LDB2: variants seen among roughly 807,000 people sequenced by gnomAD.
The protein encoded by LDB2 is LIM domain-binding protein 2.
A neutral mutation model predicts 44.3 loss-of-function variants in LDB2; 12 were observed. The observed-to-expected ratio is 0.27, with a 90% CI of 0.17 to 0.44. The LOEUF is 0.44. LDB2 is among the 20% of genes least tolerant of loss of function. The pLI is 1.00. For synonymous variants in LDB2, 164 were observed against 174.8 expected (o/e 0.94, Z 0.49); for missense variants, 344 against 473.5 (o/e 0.73, Z 2.54).
rs186955401 is a variant in LDB2 at position 16,763,056 on chromosome 4, G to A, written c.133-3796C>T. Among the ~76,000 whole-genome samples, 96 of 146,360 alleles carry A rather than the reference G, an allele frequency of 6.6e-4. No individual in the cohort carries two copies. The Middle Eastern group carries it at 0.014, about 21-fold the overall frequency. ...TTCAGAAGAGGTCTGCTGGGAGAAT[G>A]GGCACATTAGGTAACACCACACACA... On this transcript the variant is annotated intron_variant, in intron 1 of 7. Transcript: ENST00000304523.
intron 1 of LDB2, among the ~76,000 whole-genome samples, chr4:16,795,206 C>T (rs1776506561): frequency 6.6e-6 from 1 of 152,144 alleles, no homozygotes; most frequent in Non-Finnish European, 1.5e-5. Flanking sequence ...AACACCTGGA[C>T]CTTGCTGTGA....
chr4:16,588,659 T>C, intron 4 of LDB2, 51 bp downstream of exon 4: 1 of 1,590,254 alleles, frequency 6.3e-7, no homozygotes, highest in South Asian at 1.1e-5. Flanking sequence ...TTGAGTGAAA[T>C]GAAGGAGGAA....
intron 2 of LDB2, among the ~76,000 whole-genome samples, chr4:16,619,811 T>TTC (rs3076982): frequency 3.3e-5 from 5 of 151,848 alleles, no homozygotes; most frequent in Non-Finnish European, 5.9e-5. Flanking sequence ...TTTTTTTTTT[T>TTC]CTCCTGGCTT....
chr4:16,715,594 C>G (rs1424835654), intron 2 of LDB2, among the ~76,000 whole-genome samples: 1 of 152,136 alleles, frequency 6.6e-6, no homozygotes. Flanking sequence ...ATCCATTTTT[C>G]CTCTGTTAAT....
chr4:16,629,652 C>A (rs1407183980), intron 2 of LDB2, among the ~76,000 whole-genome samples: 1 of 152,000 alleles, frequency 6.6e-6, no homozygotes, highest in African/African-American at 2.4e-5. Context: ...GCTGAAGGAG[C>A]ATGTTCTAAT....
intron 2 of LDB2, among the ~76,000 whole-genome samples, chr4:16,630,206 T>A (rs555664107): frequency 1.6e-4 from 25 of 152,232 alleles, no homozygotes; most frequent in African/African-American, 6.0e-4. Flanking sequence ...GAGTTACCCA[T>A]AAAGAGAAGC....
intron 5 of LDB2, among the ~76,000 whole-genome samples, chr4:16,578,551 A>G (rs560335852): frequency 3.9e-5 from 6 of 152,338 alleles, no homozygotes; most frequent in Non-Finnish European, 8.8e-5. Flanking sequence ...AAGACAGTCA[A>G]TAACAAATGC....
intron 2 of LDB2, among the ~76,000 whole-genome samples, chr4:16,692,113 C>T (rs555513514): frequency 5.0e-4 from 75 of 149,988 alleles, no homozygotes; most frequent in South Asian, 1.7e-3. Flanking sequence ...TGATTCATCA[C>T]GAGGCAAAAA....
At chr4:16,871,547 T>TGTTG (rs1163095460) in intron 1 of LDB2, among the ~76,000 whole-genome samples, 1 of 152,176 alleles carries the variant, frequency 6.6e-6, no homozygotes, top group Non-Finnish European at 1.5e-5. Flanking sequence ...TATTCATCTC[T>TGTTG]GTTGTTTCAT....
At chr4:16,851,395 G>A (rs1788209790) in intron 1 of LDB2, among the ~76,000 whole-genome samples, 1 of 152,092 alleles carries the variant, frequency 6.6e-6, no homozygotes, top group Non-Finnish European at 1.5e-5. Flanking sequence ...GAGTTTCTTA[G>A]TAGGGATTGT....
At chr4:16,735,133 G>A (rs1389339895) in intron 2 of LDB2, among the ~76,000 whole-genome samples, 1 of 152,172 alleles carries the variant, frequency 6.6e-6, no homozygotes, top group East Asian at 1.9e-4. Context: ...AATGATGTAC[G>A]TAGTGGGGAC....
chr4:16,753,413 C>CA (rs1171165264), intron 2 of LDB2, among the ~76,000 whole-genome samples: 2 of 152,038 alleles, frequency 1.3e-5, no homozygotes, highest in Non-Finnish European at 2.9e-5. Context: ...TATTACAAGA[C>CA]AAAATTGAAG....
Position 16,502,685 on chromosome 4 carries a change from T to G in LDB2, c.1080A>C (p.Gln360His). The change falls in exon 8 of 8, where the codon CAA (glutamine) becomes CAC (histidine). Residue 360 changes from glutamine (Q) to histidine (H), a missense_variant. Around this residue, in one of 3 missense-constraint regions of LDB2, gnomAD observed 32 missense variants for 32.3 expected, o/e 0.99. Coordinates refer to ENST00000304523, the MANE Select transcript of LDB2 (RefSeq NM_001290.5). ...GTGGGGGGTTTTCTGATTTGGTCTC[T>G]TGAGTGGCGGGAGGTTTACTGTTCC... ...SPWNSKPPATQETKSENPPPQ... is the reference protein window; with the variant it reads ...SPWNSKPPATHETKSENPPPQ... 1 of 1,614,084 alleles carries G rather than the reference T, an allele frequency of 6.2e-7. No individual in the cohort carries two copies. Among genetic ancestry groups the G allele is most frequent in the Non-Finnish European group, 8.5e-7 (1 of 1,179,950 alleles).
chr4:16,784,668 T>C (rs535976343), intron 1 of LDB2, among the ~76,000 whole-genome samples: 44 of 152,334 alleles, frequency 2.9e-4, no homozygotes, highest in African/African-American at 9.9e-4. Flanking sequence ...AGTGGAATCC[T>C]TTATCTGGAG....
chr4:16,792,923 C>T (rs1776055467), intron 1 of LDB2, among the ~76,000 whole-genome samples: 1 of 152,166 alleles, frequency 6.6e-6, no homozygotes, highest in Non-Finnish European at 1.5e-5. Context: ...CAGCTCTGCT[C>T]CATTCTTGCT....
chr4:16,531,725 T>C (rs1182572674), intron 5 of LDB2, among the ~76,000 whole-genome samples: 2 of 152,226 alleles, frequency 1.3e-5, no homozygotes, highest in African/African-American at 2.4e-5. Context: ...TCATTCATGC[T>C]TGAGTGCTGG....
At chr4:16,793,278 C>T (rs1254861471) in intron 1 of LDB2, among the ~76,000 whole-genome samples, 1 of 152,144 alleles carries the variant, frequency 6.6e-6, no homozygotes, top group African/African-American at 2.4e-5. Flanking sequence ...TCCTGACCCC[C>T]AGGGAGAGAA....
At chr4:16,811,628 G>C (rs1200909417) in intron 1 of LDB2, among the ~76,000 whole-genome samples, 2 of 152,168 alleles carry the variant, frequency 1.3e-5, no homozygotes, top group Admixed American at 1.3e-4. Context: ...ATGTATATCT[G>C]CTCCCCCTTA....
chr4:16,706,139 T>G (rs1206776646), intron 2 of LDB2, among the ~76,000 whole-genome samples: 1 of 152,190 alleles, frequency 6.6e-6, no homozygotes, highest in East Asian at 1.9e-4. Flanking sequence ...GGCCTTTTGA[T>G]GGCATTTCGT....
Sources: gnomAD v4.1 joint callset for allele counts (sites outside exome capture counted in the v4.1 genomes callset) on GRCh38, gnomAD v4.1.1 for gene constraint, gnomAD v4.1.1 regional missense constraint, MANE v1.5 for transcripts, NCBI Gene and HGNC (gene_info 2026-07-23, HGNC 2026-07-21) for gene names.